The following DOCK4 variants were observed in gnomAD, a reference collection of about 807,000 sequenced individuals.
DOCK4 encodes the protein dedicator of cytokinesis protein 4.
A neutral mutation model predicts 268.1 loss-of-function variants in DOCK4; 97 were observed. The ratio of observed to expected loss-of-function variants is 0.36; its 90% CI spans 0.31 to 0.43. DOCK4 has a LOEUF of 0.43. Ranked by LOEUF, DOCK4 falls within the 20% of genes least tolerant of loss-of-function variation. The probability of loss-of-function intolerance (pLI) is 1.00; values close to 1 mark genes in which losing one functional copy is unlikely to be tolerated. For missense variants in DOCK4, 2,145 were observed against 2,455.7 expected (o/e 0.87, Z 2.67); for synonymous variants, 954 against 887.2 (o/e 1.08, Z -1.34).
chr7:112,070,233 T>C (rs1193080813), intron 1 of DOCK4, among the ~76,000 whole-genome samples: 1 of 152,154 alleles, frequency 6.6e-6, no homozygotes, highest in Non-Finnish European at 1.5e-5. Context: ...TAAAAGACTA[T>C]TTAGGATGTG....
intron 23 of DOCK4, chr7:111,862,986 C>G (rs1805674983): frequency 4.8e-6 from 1 of 206,688 alleles, no homozygotes; most frequent in Admixed American, 5.7e-5. Flanking sequence ...AGTCACTGAC[C>G]ACTTGCTCTT....
chr7:111,732,620 G>T, intron 51 of DOCK4: 1 of 255,952 alleles, frequency 3.9e-6, no homozygotes, highest in Non-Finnish European at 7.6e-6. Flanking sequence ...TGTCTCATAA[G>T]GTGCTTTTAG....
intron 26 of DOCK4, 141 bp from the exon 27 acceptor site, chr7:111,822,597 C>T: frequency 2.8e-6 from 2 of 726,014 alleles, no homozygotes; most frequent in Non-Finnish European, 4.4e-6. Context: ...AACAGTTTGC[C>T]CAAGGGAAGG....
chr7:111,821,994 G>A (rs1802019651), intron 27 of DOCK4, among the ~76,000 whole-genome samples: 1 of 152,220 alleles, frequency 6.6e-6, no homozygotes, highest in African/African-American at 2.4e-5. Flanking sequence ...AATTTGGAAA[G>A]ATTGCCAGGA....
At chr7:112,091,423 T>C (rs10225837) in intron 1 of DOCK4, among the ~76,000 whole-genome samples, 14,566 of 152,098 alleles carry the variant, frequency 0.096, 1,153 homozygotes, top group East Asian at 0.4. Flanking sequence ...TTGCCCTACC[T>C]GCACACCTAA....
intron 1 of DOCK4, among the ~76,000 whole-genome samples, chr7:112,117,217 C>G (rs1250536127): frequency 6.6e-6 from 1 of 152,210 alleles, no homozygotes; most frequent in East Asian, 1.9e-4. Flanking sequence ...AACTCACAAG[C>G]TGCAGCCCTC....
chr7:112,200,482 A>G (rs1820810911), intron 1 of DOCK4, among the ~76,000 whole-genome samples: 1 of 152,088 alleles, frequency 6.6e-6, no homozygotes, highest in South Asian at 2.1e-4. Flanking sequence ...TTTAAGTAAA[A>G]CATTGTATTA....
intron 26 of DOCK4, among the ~76,000 whole-genome samples, chr7:111,827,644 T>C (rs1045217586): frequency 1.2e-4 from 18 of 152,196 alleles, no homozygotes; most frequent in African/African-American, 3.6e-4. Flanking sequence ...GGTGGTAGAA[T>C]AGGCATTACA....
chr7:111,870,561 A>T (rs1806339550), intron 20 of DOCK4, among the ~76,000 whole-genome samples: 1 of 151,982 alleles, frequency 6.6e-6, no homozygotes, highest in African/African-American at 2.4e-5. Context: ...ACCTCAAATG[A>T]TCTGTCCACC....
intron 1 of DOCK4, among the ~76,000 whole-genome samples, chr7:112,163,036 C>T (rs1817277808): frequency 6.6e-6 from 1 of 152,178 alleles, no homozygotes; most frequent in African/African-American, 2.4e-5. Flanking sequence ...ACTGCCTCTA[C>T]TGCCATATCC....
chr7:111,837,406 T>G (rs1803318087), intron 25 of DOCK4, among the ~76,000 whole-genome samples: 1 of 152,172 alleles, frequency 6.6e-6, no homozygotes. Context: ...TTTTAGTCAG[T>G]GCAATAAGGC....
intron 6 of DOCK4, among the ~76,000 whole-genome samples, chr7:111,986,129 C>T (rs966627478): frequency 6.6e-6 from 1 of 152,176 alleles, no homozygotes; most frequent in Non-Finnish European, 1.5e-5. Context: ...AACCCAAAGA[C>T]TGGCCAGCAG....
chr7:111,792,669 C>T (rs1799632444), intron 30 of DOCK4, among the ~76,000 whole-genome samples: 3 of 152,124 alleles, frequency 2.0e-5, no homozygotes, highest in Non-Finnish European at 4.4e-5. Flanking sequence ...AGGCGTGAGC[C>T]GCTGCGCCTG....
chr7:112,145,472 C>T (rs752862805), intron 1 of DOCK4, among the ~76,000 whole-genome samples: 3 of 152,232 alleles, frequency 2.0e-5, no homozygotes, highest in East Asian at 3.9e-4. Context: ...CCGCGGGGCT[C>T]GCAGTAATGC....
intron 1 of DOCK4, among the ~76,000 whole-genome samples, chr7:112,081,560 A>C (rs77707944): frequency 0.11 from 16,539 of 152,158 alleles, 2,748 homozygotes; most frequent in African/African-American, 0.36. Flanking sequence ...GAAAGATCCC[A>C]GGAGGAAAGT....
At position 111,788,727 on chromosome 7, in the gene DOCK4, G is replaced by A. The variant is rs374796399; in HGVS notation, c.3336C>T (p.Asp1112=). Residue 1112 remains aspartate (D), a synonymous_variant, in exon 32 of 53, where the codon GAC becomes GAT. Coordinates refer to ENST00000428084, the MANE Select transcript of DOCK4 (RefSeq NM_001363540.2). ...CTTCTGACATCAGGCTATCCAGTTT[G>A]TCAATTAGCTTGGCTTCCACCTGAA... is the stretch of plus-strand genomic sequence containing the variant. ...NFKQVEAKLI[D]KLDSLMSEGK... The A allele has an allele frequency of 8.8e-6, 14 of 1,591,804 alleles. No homozygotes were observed. Among genetic ancestry groups the A allele is most frequent in the Non-Finnish European group, 1.2e-5 (14 of 1,167,860 alleles).
intron 4 of DOCK4, among the ~76,000 whole-genome samples, chr7:111,994,455 G>A (rs962613578): frequency 3.3e-5 from 5 of 152,152 alleles, no homozygotes; most frequent in East Asian, 1.9e-4. Flanking sequence ...TTTGAGCAGC[G>A]TGGTGAAGAA....
intron 1 of DOCK4, among the ~76,000 whole-genome samples, chr7:112,093,453 G>C (rs1319027118): frequency 2.0e-5 from 3 of 151,984 alleles, no homozygotes. Flanking sequence ...TTAAAGGGGG[G>C]GGGAAACAAT....
chr7:112,018,179 A>AAAAAAAAAAAAAAAC, intron 1 of DOCK4, among the ~76,000 whole-genome samples: 1 of 72,630 alleles, frequency 1.4e-5, no homozygotes, highest in African/African-American at 5.4e-5. Flanking sequence ...AAAAAAAAAA[A>AAAAAAAAAAAAAAAC]ACACAGGCAA....
Sources: allele counts gnomAD v4.1 joint callset (sites outside exome capture counted in the v4.1 genomes callset), GRCh38; gene constraint gnomAD v4.1.1; transcripts MANE v1.5; gene names NCBI Gene and HGNC (gene_info 2026-07-23, HGNC 2026-07-21).